Variants in COL5A2 observed in about 807,000 individuals in gnomAD.
The protein encoded by COL5A2 is collagen type V alpha 2 chain, also known as collagen alpha-2(V) chain.
In COL5A2, 23 loss-of-function variants were observed where a neutral mutation model predicts 208.2. The observed-to-expected ratio is 0.11, with a 90% CI of 0.08 to 0.16. The LOEUF (loss-of-function observed/expected upper bound fraction) is 0.16. COL5A2 is among the 10% of genes least tolerant of loss of function. The pLI is 1.00. For missense variants in COL5A2, 1,590 were observed against 1,956.4 expected (o/e 0.81, Z 3.53); for synonymous variants, 625 against 628.5 (o/e 0.99, Z 0.08).
At chr2:189,211,684 T>C (rs7571214) in intron 1 of COL5A2, among the ~76,000 whole-genome samples, 4 of 152,110 alleles carry the variant, frequency 2.6e-5, no homozygotes, top group African/African-American at 9.7e-5. Context: ...AATGAAGTAA[T>C]ATTTCTTACA....
the COL5A2 span, among the ~76,000 whole-genome samples, chr2:189,292,350 A>G: frequency 6.6e-6 from 1 of 152,138 alleles, no homozygotes; most frequent in Non-Finnish European, 1.5e-5. Context: ...TCACCCTTAC[A>G]CCTTGACATT....
At chr2:189,196,222 G>A (rs1688999374) in intron 1 of COL5A2, among the ~76,000 whole-genome samples, 3 of 152,040 alleles carry the variant, frequency 2.0e-5, no homozygotes, top group Middle Eastern at 6.8e-3. Flanking sequence ...TACTTCAAAG[G>A]TGGTGTTCCA....
the COL5A2 span, among the ~76,000 whole-genome samples, chr2:189,326,709 TTTCTGGTGGGGAGTGGGGGGAG>T: frequency 6.7e-6 from 1 of 149,674 alleles, no homozygotes; most frequent in Non-Finnish European, 1.5e-5. Flanking sequence ...TATTATACCT[TTTCTGGTGGGGAGTGGGGGGAG>T]TTCACCCACT....
At chr2:189,366,695 C>G in the COL5A2 span, among the ~76,000 whole-genome samples, 2 of 152,174 alleles carry the variant, frequency 1.3e-5, no homozygotes, top group African/African-American at 4.8e-5. Context: ...ATTTCTCCTG[C>G]CTAGCCAAAG....
At chr2:189,201,845 C>A (rs1423114241) in intron 1 of COL5A2, among the ~76,000 whole-genome samples, 1 of 151,350 alleles carries the variant, frequency 6.6e-6, no homozygotes, top group African/African-American at 2.4e-5. Flanking sequence ...AAAGTTATCT[C>A]GGAAAAGACA....
the COL5A2 span, among the ~76,000 whole-genome samples, chr2:189,417,250 G>A: frequency 6.6e-6 from 1 of 152,058 alleles, no homozygotes; most frequent in Non-Finnish European, 1.5e-5. Flanking sequence ...AGTTAAGATA[G>A]TACAACATAT....
the COL5A2 span, among the ~76,000 whole-genome samples, chr2:189,231,448 G>T: frequency 6.6e-6 from 1 of 151,652 alleles, no homozygotes; most frequent in African/African-American, 2.4e-5. Context: ...GAAAATCTGG[G>T]ACTCTCATTC....
the COL5A2 span, among the ~76,000 whole-genome samples, chr2:189,437,942 G>A: frequency 6.6e-6 from 1 of 151,994 alleles, no homozygotes; most frequent in African/African-American, 2.4e-5. Context: ...CAGTAAAAAT[G>A]TGACTAAATC....
chr2:189,085,659 G>C (rs1686641662), intron 10 of COL5A2, 60 bp downstream of exon 10: 1 of 1,378,114 alleles, frequency 7.3e-7, no homozygotes, highest in Non-Finnish European at 1.0e-6. Flanking sequence ...CTCAATATTT[G>C]ACATCATTAT....
At chr2:189,317,974 C>T in the COL5A2 span, among the ~76,000 whole-genome samples, 4 of 152,190 alleles carry the variant, frequency 2.6e-5, no homozygotes, top group Non-Finnish European at 2.9e-5. Context: ...TTGTTCCTGA[C>T]AAAATTTTCC....
the COL5A2 span, among the ~76,000 whole-genome samples, chr2:189,290,909 A>T: frequency 6.6e-6 from 1 of 152,242 alleles, no homozygotes; most frequent in Non-Finnish European, 1.5e-5. Flanking sequence ...GGCTATCAGA[A>T]ATTTAAAAAT....
the COL5A2 span, among the ~76,000 whole-genome samples, chr2:189,323,658 A>T: frequency 6.6e-6 from 1 of 152,202 alleles, no homozygotes; most frequent in Non-Finnish European, 1.5e-5. Flanking sequence ...ACCACTGCTC[A>T]ATGAAATAAA....
At chr2:189,419,933 A>G in the COL5A2 span, among the ~76,000 whole-genome samples, 28 of 146,046 alleles carry the variant, frequency 1.9e-4, no homozygotes, top group Admixed American at 5.5e-4. Context: ...AGAGGGGAGG[A>G]GAGGAAAGGA....
At chr2:189,429,134 C>A in the COL5A2 span, among the ~76,000 whole-genome samples, 2 of 152,118 alleles carry the variant, frequency 1.3e-5, no homozygotes, top group African/African-American at 4.8e-5. Context: ...AAAATGATAA[C>A]CATGTGAGTT....
At chr2:189,375,735 A>G in the COL5A2 span, among the ~76,000 whole-genome samples, 1 of 152,234 alleles carries the variant, frequency 6.6e-6, no homozygotes, top group Non-Finnish European at 1.5e-5. Context: ...TAATAAAAAT[A>G]ATGATATTTG....
chr2:189,430,884 C>T, the COL5A2 span, among the ~76,000 whole-genome samples: 2 of 152,326 alleles, frequency 1.3e-5, no homozygotes, highest in African/African-American at 4.8e-5. Flanking sequence ...GGGTCCCTGA[C>T]CCCTGTGTAG....
At chr2:189,132,261 T>C (rs1325544701) in intron 1 of COL5A2, among the ~76,000 whole-genome samples, 2 of 152,172 alleles carry the variant, frequency 1.3e-5, no homozygotes, top group Non-Finnish European at 2.9e-5. Flanking sequence ...TAAATAACAG[T>C]ATCATTTTGG....
intron 50 of COL5A2, 46 bp from the exon 51 acceptor site, chr2:189,039,609 T>C (rs1685516845): frequency 1.3e-6 from 2 of 1,581,502 alleles, no homozygotes; most frequent in South Asian, 2.3e-5. Context: ...TTGTTTTTGT[T>C]TTACTTAACT....
rs1030970404 is a variant in COL5A2 at position 189,032,128 on chromosome 2, C to G, written c.*1942G>C. On this transcript the variant is annotated 3_prime_UTR_variant, in exon 54 of 54. Coordinates refer to ENST00000374866, the MANE Select transcript of COL5A2 (RefSeq NM_000393.5). ...TAAGATATACAGGTCAAAATATAAC[C>G]AGTTTAGGGGAAAATGATGTTGTAA... 2.0e-4 allele frequency: 30 copies of G among 151,986 alleles called. No homozygotes were observed. The highest frequency in any genetic ancestry group is 1.4e-3 in the Admixed American group (21 of 15,238). 9.4% of individuals were successfully genotyped at this position (151,986 alleles called of 1,614,324 possible).
Sources: gnomAD v4.1 joint callset for allele counts (sites outside exome capture counted in the v4.1 genomes callset) on GRCh38, gnomAD v4.1.1 for gene constraint, MANE v1.5 for transcripts, NCBI Gene and HGNC (gene_info 2026-07-23, HGNC 2026-07-21) for gene names.